VPS13C: variants seen among roughly 807,000 people sequenced by gnomAD.
VPS13C encodes intermembrane lipid transfer protein VPS13C.
A neutral mutation model predicts 456.8 loss-of-function variants in VPS13C; 358 were observed. The observed-to-expected ratio is 0.78, with a 90% CI of 0.72 to 0.86. The LOEUF (loss-of-function observed/expected upper bound fraction) is 0.86. Ranked by LOEUF, VPS13C falls within the 40% of genes least tolerant of loss-of-function variation. The probability of loss-of-function intolerance (pLI) is 0.00; values close to 1 mark genes in which losing one functional copy is unlikely to be tolerated. For synonymous variants in VPS13C, 1,578 were observed against 1,486.7 expected (o/e 1.06, Z -1.41); for missense variants, 4,818 against 4,385.4 (o/e 1.10, Z -2.79).
chr15:62,038,663 C>A (rs925765235), intron 3 of VPS13C, among the ~76,000 whole-genome samples: 5 of 152,054 alleles, frequency 3.3e-5, no homozygotes, highest in African/African-American at 1.2e-4. Flanking sequence ...ACACAGTAAA[C>A]AGACAACCTA....
chr15:61,907,176 A>T, intron 66 of VPS13C, 88 bp downstream of exon 66: 1 of 1,590,162 alleles, frequency 6.3e-7, no homozygotes, highest in Non-Finnish European at 8.6e-7. Flanking sequence ...CTTTTAGTTC[A>T]ATTAGGACAA....
chr15:61,881,931 T>A, intron 69 of VPS13C, 103 bp from the exon 70 acceptor site: 1 of 1,013,434 alleles, frequency 9.9e-7, no homozygotes, highest in South Asian at 1.8e-5. Flanking sequence ...CATAATTAAG[T>A]GTCTGCGTGT....
At chr15:61,907,185 A>G in intron 66 of VPS13C, 79 bp downstream of exon 66, 1 of 1,598,974 alleles carries the variant, frequency 6.3e-7, no homozygotes, top group South Asian at 1.1e-5. Flanking sequence ...CAATTAGGAC[A>G]AGGAGTCAGT....
intron 15 of VPS13C, among the ~76,000 whole-genome samples, chr15:62,002,334 T>C (rs966262622): frequency 2.7e-4 from 41 of 152,234 alleles, no homozygotes; most frequent in African/African-American, 5.5e-4. Context: ...AAACTGTCTG[T>C]TCATGTCCTT....
chr15:61,881,951 G>T, intron 69 of VPS13C, 123 bp from the exon 70 acceptor site: 1 of 821,760 alleles, frequency 1.2e-6, no homozygotes, highest in Non-Finnish European at 1.9e-6. Flanking sequence ...TATATGCGGT[G>T]TAATTAGAAG....
intron 20 of VPS13C, 75 bp downstream of exon 20, chr15:61,983,743 AAG>A (rs2045953320): frequency 7.0e-7 from 1 of 1,426,352 alleles, no homozygotes; most frequent in Admixed American, 2.3e-5. Flanking sequence ...TTAAATATGA[AAG>A]AGGAGAAATA....
In VPS13C at chr15:62,020,514, A is replaced by C. The variant is rs749058332; in HGVS notation, c.649T>G (p.Ser217Ala). The C allele has an allele frequency of 3.1e-6, 5 of 1,611,782 alleles. No homozygotes were observed. The highest frequency in any genetic ancestry group is 4.2e-6 in the Non-Finnish European group (5 of 1,178,550). Reference sequence around the variant, plus strand: ...AGCTCTCCCAGTGTGACACCAAATGAAAGAGGCCGCTTTGGATCAGTGACC... The same window carrying C: ...AGCTCTCCCAGTGTGACACCAAATGCAAGAGGCCGCTTTGGATCAGTGACC... The part of the protein sequence containing the change: ...DDVTDPKRPL[S>A]FGVTLGELSL... The change falls in exon 9 of 85, where the codon TCA (serine) becomes GCA (alanine). Residue 217 changes from serine to alanine, a missense_variant. Around this residue, in one of 3 missense-constraint regions of VPS13C, gnomAD observed 4,552 missense variants for 4,130.6 expected, o/e 1.10. Coordinates refer to ENST00000644861, the MANE Select transcript of VPS13C (RefSeq NM_020821.3).
intron 48 of VPS13C, 21 bp from the exon 49 acceptor site, chr15:61,934,352 G>A: frequency 7.3e-7 from 1 of 1,364,170 alleles, no homozygotes; most frequent in Non-Finnish European, 9.8e-7. Context: ...AAATTTAAAA[G>A]CTTTTAAGTA....
intron 23 of VPS13C, among the ~76,000 whole-genome samples, chr15:61,977,489 A>G (rs1298541744): frequency 6.6e-6 from 1 of 152,044 alleles, no homozygotes; most frequent in Non-Finnish European, 1.5e-5. Flanking sequence ...CAGGAAAAAC[A>G]AAGCCCAGGA....
rs1382516219 is a variant in VPS13C at position 62,060,348 on chromosome 15, G to C, written c.27C>G (p.Asp9Glu). The change falls in exon 1 of 85, where the codon GAC becomes GAG. Residue 9 changes from aspartate to glutamate, a missense_variant. Transcript: ENST00000644861. MVLESVVA[D>E]LLNRFLGDYV... is the part of the protein sequence containing the mutation. ...AGTCCCCCAGGAAGCGGTTCAGCAA[G>C]TCCGCGACCACCGACTCCAGCACCA... is the stretch of plus-strand genomic sequence containing the variant. 6 of 1,602,462 alleles carry C rather than the reference G, an allele frequency of 3.7e-6. No homozygotes were observed. The highest frequency in any genetic ancestry group is 2.2e-5 in the South Asian group (2 of 89,482).
chr15:61,948,666 A>G (rs2044687364), intron 42 of VPS13C, among the ~76,000 whole-genome samples: 1 of 151,980 alleles, frequency 6.6e-6, no homozygotes, highest in Non-Finnish European at 1.5e-5. Context: ...CTGAGCAACA[A>G]AAGTGAAATT....
chr15:61,910,212 G>C lies in VPS13C; in HGVS notation c.8809C>G (p.Gln2937Glu). ...GSSKPFFYNR[Q>E]DNGTLLSLED... ...AAGCTCAATAAAGTGCCATTATCCT[G>C]TCGGTTATAAAAGAATGGTTTGGAA... is the stretch of plus-strand genomic sequence containing the variant. The change falls in exon 64 of 85, where the codon CAG becomes GAG. Residue 2937 changes from glutamine to glutamate, a missense_variant. By Grantham distance (29) the Gln-to-Glu change is conservative. Coordinates refer to ENST00000644861, the MANE Select transcript of VPS13C (RefSeq NM_020821.3). The C allele has an allele frequency of 6.7e-7, 1 of 1,484,794 alleles. No individual in the cohort carries two copies. Among genetic ancestry groups the C allele is most frequent in the South Asian group, 1.5e-5 (1 of 68,280 alleles). 92.0% of individuals were successfully genotyped at this position (1,484,794 alleles called of 1,614,324 possible).
chr15:61,974,451 T>C (rs1194730110), intron 24 of VPS13C, 34 bp from the exon 25 acceptor site: 6 of 1,604,664 alleles, frequency 3.7e-6, no homozygotes, highest in Non-Finnish European at 5.1e-6. Flanking sequence ...TAAGTCAGCA[T>C]CTCTACATTA....
At chr15:61,972,360 A>C (rs941653833) in intron 27 of VPS13C, among the ~76,000 whole-genome samples, 1 of 152,190 alleles carries the variant, frequency 6.6e-6, no homozygotes, top group African/African-American at 2.4e-5. Context: ...GTTCTAATTA[A>C]AAGTCTAAGC....
At chr15:61,984,400 G>A (rs1040206821) in intron 19 of VPS13C, among the ~76,000 whole-genome samples, 2 of 152,086 alleles carry the variant, frequency 1.3e-5, no homozygotes, top group African/African-American at 4.8e-5. Context: ...GCTATCCTAG[G>A]CCTTCTCCTA....
chr15:62,057,214 A>C (rs12592464), intron 1 of VPS13C, among the ~76,000 whole-genome samples: 83,534 of 151,742 alleles, frequency 0.55, 23,293 homozygotes, highest in Admixed American at 0.63. Context: ...ACAACAACAA[A>C]AAAAAAACTC....
intron 20 of VPS13C, 48 bp downstream of exon 20, chr15:61,983,772 G>A (rs374791236): frequency 9.6e-6 from 15 of 1,562,456 alleles, no homozygotes; most frequent in East Asian, 2.3e-5. Flanking sequence ...CAGTATGTCA[G>A]AAGCATAAGA....
rs1567081691 is a variant in VPS13C, at chr15:61,991,756, C to T, written c.1400G>A (p.Gly467Asp). 4 of 1,613,314 alleles carry T rather than the reference C, an allele frequency of 2.5e-6. No homozygotes were observed. The highest frequency in any genetic ancestry group is 3.4e-6 in the Non-Finnish European group (4 of 1,179,718). The change falls in exon 17 of 85, where the codon GGC (glycine) becomes GAC (aspartate). Residue 467 changes from glycine to aspartate, a missense_variant. Gly to Asp is a moderately conservative substitution (Grantham distance 94). This residue lies in a region of VPS13C where 4,552 missense variants were observed against 4,130.6 expected (regional missense o/e 1.10). Coordinates refer to ENST00000644861, the MANE Select transcript of VPS13C (RefSeq NM_020821.3). ...QKLRKKSADT[G>D]EKRGGWFSGL... ...ACTAAACCAGCCTCCACGTTTCTCG[C>T]CTGTGTCAGCAGACTTTTTCCTTAA...
At chr15:61,900,416 C>A (rs1423116859) in intron 66 of VPS13C, among the ~76,000 whole-genome samples, 1 of 152,218 alleles carries the variant, frequency 6.6e-6, no homozygotes, top group African/African-American at 2.4e-5. Context: ...TCAGCAAAGT[C>A]TCAGGATACA....
Sources: allele counts gnomAD v4.1 joint callset (sites outside exome capture counted in the v4.1 genomes callset), GRCh38; gene constraint gnomAD v4.1.1; regional missense constraint gnomAD v4.1.1; transcripts MANE v1.5; gene names NCBI Gene and HGNC (gene_info 2026-07-23, HGNC 2026-07-21).